CDH12: variants seen among roughly 807,000 people sequenced by gnomAD.
CDH12 encodes the protein cadherin 12.
In CDH12, 41 loss-of-function variants were observed where a neutral mutation model predicts 74.1. That is an observed-to-expected ratio of 0.55 (90% CI 0.43 to 0.72). The LOEUF is 0.72. Ranked by LOEUF, CDH12 falls within the 30% of genes least tolerant of loss-of-function variation. The probability of loss-of-function intolerance (pLI) is 0.00; values close to 1 mark genes in which losing one functional copy is unlikely to be tolerated. For missense variants in CDH12, 945 were observed against 977.2 expected, an observed-to-expected ratio of 0.97 and a Z score of 0.44; for synonymous variants, 399 against 355.0, an observed-to-expected ratio of 1.12 and a Z score of -1.39.
At chr5:21,995,338 T>C (rs1165284402) in intron 5 of CDH12, among the ~76,000 whole-genome samples, 1 of 151,694 alleles carries the variant, frequency 6.6e-6, no homozygotes, top group African/African-American at 2.4e-5. Context: ...ATCATGTAAA[T>C]TGATATGCAA....
At position 21,778,466 on chromosome 5, in the gene CDH12, C is replaced by CAAAAAAAAAAA. The variant is rs70957061; in HGVS notation, c.1393+4881_1393+4891dup. 1.4e-3 allele frequency among the ~76,000 whole-genome samples: 73 copies of CAAAAAAAAAAA among 52,614 alleles called. 1 individual carries two copies. The highest frequency in any genetic ancestry group is 0.019 in the Middle Eastern group (1 of 52). The allele number at this position is 52,614 out of a possible 152,430, so 34.5% of individuals were successfully genotyped here. On this transcript the variant is annotated intron_variant, in intron 11 of 14. Transcript: ENST00000382254. ...AGAGCTGACAATTTGGCATATAAGCCAAAAAAAAAAAAAAAAAAAAAAAAA... is the reference window on the plus strand; with the variant it reads ...AGAGCTGACAATTTGGCATATAAGCCAAAAAAAAAAAAAAAAAAAAAAAAAAAAAAAAAAAA...
At chr5:22,072,554 G>A (rs112071430) in intron 5 of CDH12, among the ~76,000 whole-genome samples, 73 of 150,950 alleles carry the variant, frequency 4.8e-4, no homozygotes, top group African/African-American at 1.5e-3. Context: ...GTGTGTGTGT[G>A]TGTGTGTGTG....
intron 2 of CDH12, among the ~76,000 whole-genome samples, chr5:22,421,191 A>T (rs2126496400): frequency 6.6e-6 from 1 of 152,042 alleles, no homozygotes; most frequent in South Asian, 2.1e-4. Context: ...ATTTCTTTTT[A>T]AAATTTTTTT....
At chr5:22,321,865 T>C (rs1738899152) in intron 3 of CDH12, among the ~76,000 whole-genome samples, 1 of 152,118 alleles carries the variant, frequency 6.6e-6, no homozygotes, top group Non-Finnish European at 1.5e-5. Context: ...AGAATATAAA[T>C]TACTTATTAT....
intron 7 of CDH12, among the ~76,000 whole-genome samples, chr5:21,851,335 A>T (rs376090264): frequency 2.5e-3 from 382 of 151,164 alleles, no homozygotes; most frequent in Non-Finnish European, 4.0e-3. Context: ...TCTATTATCA[A>T]AACTGTTGAG....
intron 4 of CDH12, among the ~76,000 whole-genome samples, chr5:22,168,952 T>C (rs942783835): frequency 1.3e-5 from 2 of 148,680 alleles, no homozygotes; most frequent in African/African-American, 2.5e-5. Context: ...ATAAGGATCA[T>C]TTCTTTTTCT....
At chr5:22,589,230 A>G (rs1012452331) in intron 1 of CDH12, among the ~76,000 whole-genome samples, 5 of 152,282 alleles carry the variant, frequency 3.3e-5, no homozygotes, top group South Asian at 2.1e-4. Flanking sequence ...CACAGAAGAC[A>G]TGTAACTGCT....
chr5:21,951,495 G>A (rs1305645007), intron 6 of CDH12, among the ~76,000 whole-genome samples: 1 of 152,130 alleles, frequency 6.6e-6, no homozygotes, highest in Non-Finnish European at 1.5e-5. Flanking sequence ...TGATTGGCCC[G>A]CATCAGCCTC....
At chr5:21,797,187 A>G (rs887643820) in intron 10 of CDH12, among the ~76,000 whole-genome samples, 5 of 140,554 alleles carry the variant, frequency 3.6e-5, no homozygotes, top group African/African-American at 1.5e-4. Context: ...GTGCTTAGTG[A>G]TGATGATGAT....
chr5:21,862,977 G>C (rs1751129969), intron 6 of CDH12, among the ~76,000 whole-genome samples: 1 of 151,996 alleles, frequency 6.6e-6, no homozygotes, highest in South Asian at 2.1e-4. Context: ...GGGAGTCTTT[G>C]AGCCAACTCA....
chr5:21,768,959 C>T (rs1279474565), intron 11 of CDH12, among the ~76,000 whole-genome samples: 1 of 151,866 alleles, frequency 6.6e-6, no homozygotes, highest in Admixed American at 6.6e-5. Context: ...CCTGGGGACA[C>T]GAGGTTGATT....
At chr5:22,813,268 G>A (rs569379336) in intron 1 of CDH12, among the ~76,000 whole-genome samples, 9 of 152,144 alleles carry the variant, frequency 5.9e-5, no homozygotes, top group Non-Finnish European at 1.3e-4. Context: ...ATCTTGGACA[G>A]ATTCCAAATT....
At chr5:22,567,500 T>A (rs748795279) in intron 1 of CDH12, among the ~76,000 whole-genome samples, 3 of 152,210 alleles carry the variant, frequency 2.0e-5, no homozygotes, top group Non-Finnish European at 4.4e-5. Flanking sequence ...CTTTCAAGAA[T>A]CACATGTAGT....
At chr5:22,274,699 G>C (rs548671331) in intron 3 of CDH12, among the ~76,000 whole-genome samples, 2 of 151,928 alleles carry the variant, frequency 1.3e-5, no homozygotes, top group Non-Finnish European at 2.9e-5. Flanking sequence ...TATATATGAT[G>C]AACTATAAAC....
chr5:22,362,466 C>G (rs1436752759), intron 3 of CDH12, among the ~76,000 whole-genome samples: 2 of 152,136 alleles, frequency 1.3e-5, no homozygotes, highest in Non-Finnish European at 2.9e-5. Context: ...AATAGGAACA[C>G]TTTTACACTG....
chr5:22,622,520 A>T (rs879360763), intron 1 of CDH12, among the ~76,000 whole-genome samples: 4 of 152,190 alleles, frequency 2.6e-5, no homozygotes, highest in Non-Finnish European at 5.9e-5. Context: ...AATACAAACT[A>T]CCATCAGAGA....
At chr5:22,119,833 C>T (rs1745399951) in intron 4 of CDH12, among the ~76,000 whole-genome samples, 1 of 152,076 alleles carries the variant, frequency 6.6e-6, no homozygotes, top group Non-Finnish European at 1.5e-5. Context: ...AAATACGTAT[C>T]AGAGTTCCTG....
chr5:21,836,044 C>T (rs147177137), intron 8 of CDH12, among the ~76,000 whole-genome samples: 6 of 151,718 alleles, frequency 4.0e-5, no homozygotes, highest in East Asian at 1.9e-4. Flanking sequence ...TGACAGCTGA[C>T]GTAAACAAAG....
intron 3 of CDH12, among the ~76,000 whole-genome samples, chr5:22,328,227 T>A (rs941164849): frequency 2.6e-5 from 4 of 152,216 alleles, no homozygotes; most frequent in African/African-American, 9.6e-5. Context: ...TTTAAAAAAA[T>A]ATATGTTTAG....
Sources: gnomAD v4.1 joint callset for allele counts (sites outside exome capture counted in the v4.1 genomes callset) on GRCh38, gnomAD v4.1.1 for gene constraint, MANE v1.5 for transcripts, NCBI Gene and HGNC (gene_info 2026-07-23, HGNC 2026-07-21) for gene names.